The following TTC23 variants were observed in gnomAD, a reference collection of about 807,000 sequenced individuals.
TTC23 encodes the protein tetratricopeptide repeat domain 23.
A neutral mutation model predicts 55.1 loss-of-function variants in TTC23; 58 were observed. The observed-to-expected ratio is 1.05, with a 90% CI of 0.85 to 1.31. The LOEUF (loss-of-function observed/expected upper bound fraction) is 1.31, where lower values mean the gene tolerates loss of function less well. TTC23 is among the 50% of genes most tolerant of loss of function. TTC23 has a pLI of 0.00. For synonymous variants in TTC23, 203 were observed against 199.9 expected (o/e 1.02, Z -0.13); for missense variants, 516 against 534.4 (o/e 0.97, Z 0.34).
intron 4 of TTC23, among the ~76,000 whole-genome samples, chr15:99,232,943 T>A (rs2079043566): frequency 6.6e-6 from 1 of 152,202 alleles, no homozygotes; most frequent in Non-Finnish European, 1.5e-5. Context: ...CACAATGGAA[T>A]ACTACTCAGC....
rs139839727 is a variant in TTC23 at position 99,143,913 on chromosome 15, G to A, written c.1144-4514C>T. ...ATAGGACAAACATGTAAGCTGGGGA[G>A]ATTCTTACATGGAGCCTGTAGACTC... On this transcript the variant is annotated intron_variant, in intron 12 of 13. Coordinates refer to ENST00000394132, the MANE Select transcript of TTC23 (RefSeq NM_001288615.3). Among the ~76,000 whole-genome samples, 640 of 152,272 alleles carry A rather than the reference G, an allele frequency of 4.2e-3. 2 individuals are homozygous for A. The highest frequency in any genetic ancestry group is 0.015 in the African/African-American group (604 of 41,568).
chr15:99,204,655 T>TTTTTTTTTTTTTTG (rs2076471281), intron 8 of TTC23, among the ~76,000 whole-genome samples: 3 of 145,636 alleles, frequency 2.1e-5, no homozygotes, highest in Admixed American at 6.9e-5. Context: ...TTTTTTTTTT[T>TTTTTTTTTTTTTTG]AGACAGGTCT....
chr15:99,156,024 G>T, intron 12 of TTC23, 124 bp downstream of exon 12: 1 of 1,329,402 alleles, frequency 7.5e-7, no homozygotes. Flanking sequence ...CAAAAGTGAT[G>T]TCATCCTATC....
At chr15:99,247,729 T>C (rs904480501) in intron 1 of TTC23, among the ~76,000 whole-genome samples, 2 of 72,252 alleles carry the variant, frequency 2.8e-5, no homozygotes, top group Non-Finnish European at 6.0e-5. Context: ...GGGCACAAAG[T>C]ATTTTTTTAG....
intron 11 of TTC23, 68 bp from the exon 12 acceptor site, chr15:99,156,365 G>A (rs1228340941): frequency 1.3e-5 from 20 of 1,571,096 alleles, no homozygotes; most frequent in Non-Finnish European, 1.6e-5. Context: ...TACGCAACTT[G>A]TAACATTTTC....
intron 8 of TTC23, among the ~76,000 whole-genome samples, chr15:99,213,437 G>A (rs1209650872): frequency 6.6e-6 from 1 of 152,232 alleles, no homozygotes; most frequent in Non-Finnish European, 1.5e-5. Context: ...CTCAGAGGAG[G>A]TGCCAGAGGA....
chr15:99,154,348 A>T (rs1206902440), intron 12 of TTC23, among the ~76,000 whole-genome samples: 4 of 152,230 alleles, frequency 2.6e-5, no homozygotes, highest in African/African-American at 9.6e-5. Context: ...CCTCCCAAAA[A>T]GCATGTGTTG....
intron 10 of TTC23, among the ~76,000 whole-genome samples, chr15:99,168,908 G>C (rs538155055): frequency 1.3e-5 from 2 of 152,164 alleles, no homozygotes; most frequent in South Asian, 4.1e-4. Flanking sequence ...CTGGAGTGTG[G>C]TAAGTGGGTA....
intron 8 of TTC23, among the ~76,000 whole-genome samples, chr15:99,202,580 G>A (rs991661254): frequency 3.3e-5 from 5 of 152,138 alleles, no homozygotes; most frequent in Admixed American, 1.3e-4. Context: ...AAGTGTTTGG[G>A]GGTTTGTTAA....
At chr15:99,225,777 TA>T (rs749746262) in intron 5 of TTC23, among the ~76,000 whole-genome samples, 5 of 152,136 alleles carry the variant, frequency 3.3e-5, no homozygotes, top group Non-Finnish European at 7.3e-5. Context: ...AATATATACA[TA>T]GTCTCAGTGA....
At chr15:99,205,307 T>G (rs1439269749) in intron 8 of TTC23, among the ~76,000 whole-genome samples, 1 of 152,022 alleles carries the variant, frequency 6.6e-6, no homozygotes, top group Non-Finnish European at 1.5e-5. Context: ...ACATAAACTT[T>G]AGGATTTTTT....
chr15:99,211,903 C>G (rs1450288317), intron 8 of TTC23, among the ~76,000 whole-genome samples: 1 of 152,072 alleles, frequency 6.6e-6, no homozygotes, highest in Non-Finnish European at 1.5e-5. Flanking sequence ...CCATGTTGAC[C>G]AGGCTGGTCT....
intron 12 of TTC23, among the ~76,000 whole-genome samples, chr15:99,151,690 C>T (rs1453211150): frequency 2.0e-5 from 3 of 152,170 alleles, no homozygotes; most frequent in Non-Finnish European, 4.4e-5. Flanking sequence ...TCCTACTGTC[C>T]CAATCTTGGC....
intron 12 of TTC23, among the ~76,000 whole-genome samples, chr15:99,143,353 A>G (rs1174634974): frequency 6.6e-6 from 1 of 152,238 alleles, no homozygotes; most frequent in East Asian, 1.9e-4. Context: ...TTCTTTTGTT[A>G]AAAACACAGG....
Position 99,136,539 on chromosome 15 carries a change from G to A in TTC23, c.*1471C>T, listed in dbSNP as rs2067604110. The A allele has an allele frequency of 6.6e-6, 1 of 152,200 alleles. No individual in the cohort carries two copies. The highest frequency in any genetic ancestry group is 2.4e-5 in the African/African-American group (1 of 41,438). 9.4% of individuals were successfully genotyped at this position (152,200 alleles called of 1,614,324 possible). ...TGTCTTCTCACTGTGTCCTCACATGGTGGAGAGAGAGATCATCTCTCTGGT... is the reference window on the plus strand; with the variant it reads ...TGTCTTCTCACTGTGTCCTCACATGATGGAGAGAGAGATCATCTCTCTGGT... On this transcript the variant is annotated 3_prime_UTR_variant, in exon 14 of 14. Coordinates refer to ENST00000394132, the MANE Select transcript of TTC23 (RefSeq NM_001288615.3).
At chr15:99,211,113 G>A (rs1217273631) in intron 8 of TTC23, among the ~76,000 whole-genome samples, 4 of 152,194 alleles carry the variant, frequency 2.6e-5, no homozygotes, top group African/African-American at 9.7e-5. Context: ...AGTGGCTCAT[G>A]CCTGTAATCC....
At chr15:99,142,391 A>G (rs2068337525) in intron 12 of TTC23, among the ~76,000 whole-genome samples, 1 of 152,206 alleles carries the variant, frequency 6.6e-6, no homozygotes, top group African/African-American at 2.4e-5. Context: ...CACTCAGTGT[A>G]AAAGATCAGG....
At chr15:99,225,119 G>A (rs532132861) in intron 5 of TTC23, among the ~76,000 whole-genome samples, 7 of 152,286 alleles carry the variant, frequency 4.6e-5, no homozygotes, top group African/African-American at 1.4e-4. Flanking sequence ...CGAAGAGGAC[G>A]GTGCAGGCTG....
chr15:99,148,400 GT>G (rs1420187177), intron 12 of TTC23: 2 of 99,824 alleles, frequency 2.0e-5, no homozygotes, highest in Non-Finnish European at 4.4e-5. Flanking sequence ...CCTTCTTAGC[GT>G]TGGCTTTCTT....
Sources: gnomAD v4.1 joint callset for allele counts (sites outside exome capture counted in the v4.1 genomes callset) on GRCh38, gnomAD v4.1.1 for gene constraint, MANE v1.5 for transcripts, NCBI Gene and HGNC (gene_info 2026-07-23, HGNC 2026-07-21) for gene names.